The following ZFHX4 variants were observed in gnomAD, a reference collection of about 807,000 sequenced individuals.
The protein encoded by ZFHX4 is zinc finger homeobox protein 4.
ZFHX4 carries 56 observed loss-of-function variants against 267.6 expected under a neutral mutation model. The observed-to-expected ratio is 0.21, with a 90% CI of 0.17 to 0.26. The LOEUF is 0.26. Ranked by LOEUF, ZFHX4 falls within the 10% of genes least tolerant of loss-of-function variation. ZFHX4 has a pLI of 1.00. For synonymous variants in ZFHX4, 1,778 were observed against 1,665.6 expected, an observed-to-expected ratio of 1.07 and a Z score of -1.64; for missense variants, 4,332 against 4,420.0, an observed-to-expected ratio of 0.98 and a Z score of 0.56.
At chr8:76,739,145 A>G (rs1809250060) in intron 3 of ZFHX4, among the ~76,000 whole-genome samples, 1 of 152,116 alleles carries the variant, frequency 6.6e-6, no homozygotes, top group Non-Finnish European at 1.5e-5. Context: ...GGCTGGCAAA[A>G]CCATATCATT....
chr8:76,682,795 T>G lies in ZFHX4; in HGVS notation c.-47+1175T>G, dbSNP rs546548874. 2.2e-4 allele frequency among the ~76,000 whole-genome samples: 34 copies of G among 152,112 alleles called. No homozygotes were observed. The South Asian group carries it at 7.1e-3, about 32-fold the overall frequency. Reference sequence around the variant, plus strand: ...TACAAATGAACTTCACCTCCTTCGTTTCTCCAAGCATCAAGTGCGCCTTCT... The same window carrying G: ...TACAAATGAACTTCACCTCCTTCGTGTCTCCAAGCATCAAGTGCGCCTTCT... On this transcript the variant is annotated intron_variant, in intron 1 of 10. Coordinates refer to ENST00000651372, the MANE Select transcript of ZFHX4 (RefSeq NM_024721.5).
Position 76,696,270 on chromosome 8 carries a change from C to A in ZFHX4, c.-46-7773C>A, listed in dbSNP as rs150862308. Among the ~76,000 whole-genome samples the A allele has an allele frequency of 2.0e-3, 309 of 152,214 alleles. 1 individual carries two copies. Among genetic ancestry groups the A allele is most frequent in the African/African-American group, 7.1e-3 (297 of 41,554 alleles). On this transcript the variant is annotated intron_variant, in intron 1 of 10. Transcript: ENST00000651372. Reference sequence around the variant, plus strand: ...CTGTAGATTTGAGATAACATTATTTCTTCAACATGGTTCCTCTGAACATGC... The same window carrying A: ...CTGTAGATTTGAGATAACATTATTTATTCAACATGGTTCCTCTGAACATGC...
intron 3 of ZFHX4, among the ~76,000 whole-genome samples, chr8:76,772,046 G>T (rs1810278103): frequency 6.6e-6 from 1 of 152,088 alleles, no homozygotes; most frequent in African/African-American, 2.4e-5. Flanking sequence ...TGGGCAAGCT[G>T]CTAATTTCTG....
chr8:76,833,319 A>C lies in ZFHX4; in HGVS notation c.3326-19A>C. 6.2e-7 allele frequency: 1 copy of C among 1,605,502 alleles called. No individual in the cohort carries two copies. Among genetic ancestry groups the C allele is most frequent in the Non-Finnish European group, 8.5e-7 (1 of 1,174,858 alleles). On this transcript the variant is annotated intron_variant, in intron 4 of 10. Transcript: ENST00000651372. ...GGATATGGCATGCTGATTACCTTTCACTCTGATGTCTTCTGCAGAAACTGC... is the reference window on the plus strand; with the variant it reads ...GGATATGGCATGCTGATTACCTTTCCCTCTGATGTCTTCTGCAGAAACTGC...
intron 3 of ZFHX4, among the ~76,000 whole-genome samples, chr8:76,756,280 G>A (rs572049197): frequency 1.3e-5 from 2 of 152,142 alleles, no homozygotes; most frequent in Non-Finnish European, 2.9e-5. Flanking sequence ...TCACATGCTA[G>A]TGTAATTTAT....
intron 6 of ZFHX4, among the ~76,000 whole-genome samples, chr8:76,848,224 G>A (rs188472971): frequency 9.2e-5 from 14 of 152,170 alleles, no homozygotes; most frequent in South Asian, 8.3e-4. Context: ...GGAGATTATC[G>A]GGCAAATTGA....
rs368346462 is a variant in ZFHX4 at position 76,706,584 on chromosome 8, C to G, written c.2496C>G (p.Thr832=). ...ACCTAGCCCAGAACATAGGCCTGAC[C>G]GGAATGAAGCTGGAAAACCCTGCCG... ...QYYLAQNIGL[T]GMKLENPADP... Residue 832 remains threonine, a synonymous_variant, in exon 2 of 11, where the codon ACC becomes ACG. Coordinates refer to ENST00000651372, the MANE Select transcript of ZFHX4 (RefSeq NM_024721.5). The G allele has an allele frequency of 6.2e-7, 1 of 1,610,650 alleles. No individual in the cohort carries two copies. Among genetic ancestry groups the G allele is most frequent in the East Asian group, 2.2e-5 (1 of 44,792 alleles).
At chr8:76,756,377 C>T (rs1288736353) in intron 3 of ZFHX4, among the ~76,000 whole-genome samples, 2 of 151,988 alleles carry the variant, frequency 1.3e-5, no homozygotes, top group African/African-American at 4.8e-5. Flanking sequence ...GTTCAAGACA[C>T]ATTTTTTTTT....
At chr8:76,808,352 A>G (rs1811295469) in intron 4 of ZFHX4, among the ~76,000 whole-genome samples, 1 of 152,140 alleles carries the variant, frequency 6.6e-6, no homozygotes, top group African/African-American at 2.4e-5. Context: ...AGGAAAATAA[A>G]AGTGTAAGGT....
chr8:76,687,694 G>A (rs1001297937), intron 1 of ZFHX4, among the ~76,000 whole-genome samples: 1 of 151,884 alleles, frequency 6.6e-6, no homozygotes, highest in Non-Finnish European at 1.5e-5. Context: ...AATAATCTCT[G>A]GTTTCCTAAA....
chr8:76,859,792 C>T (rs1341428928), intron 10 of ZFHX4, among the ~76,000 whole-genome samples: 1 of 151,954 alleles, frequency 6.6e-6, no homozygotes, highest in Non-Finnish European at 1.5e-5. Flanking sequence ...CATTTCCAAC[C>T]TCAAATATAA....
chr8:76,802,196 AGGC>A (rs1261842121), intron 4 of ZFHX4, among the ~76,000 whole-genome samples: 1 of 152,152 alleles, frequency 6.6e-6, no homozygotes, highest in Non-Finnish European at 1.5e-5. Context: ...CATCTTCTTC[AGGC>A]AAGGCAGCCT....
At position 76,764,976 on chromosome 8, in the gene ZFHX4, T is replaced by G. The variant is rs529660046; in HGVS notation, c.3094-13232T>G. Among the ~76,000 whole-genome samples, 7 of 152,244 alleles carry G rather than the reference T, an allele frequency of 4.6e-5. No homozygotes were observed. In the East Asian group the frequency reaches 1.4e-3, roughly 29 times the overall value. ...ATACAACCTGCTGAGACATTATTTC[T>G]TAAAAGGTGAGGACTAATGACCCAA... On this transcript the variant is annotated intron_variant, in intron 3 of 10. Coordinates refer to ENST00000651372, the MANE Select transcript of ZFHX4 (RefSeq NM_024721.5).
intron 6 of ZFHX4, among the ~76,000 whole-genome samples, chr8:76,845,398 A>G (rs551386483): frequency 9.9e-4 from 150 of 152,160 alleles, no homozygotes; most frequent in African/African-American, 3.4e-3. Flanking sequence ...GCCTTGGCTA[A>G]GGGGACCACT....
chr8:76,731,589 A>T (rs1417005690), intron 3 of ZFHX4, among the ~76,000 whole-genome samples: 1 of 152,160 alleles, frequency 6.6e-6, no homozygotes, highest in African/African-American at 2.4e-5. Context: ...TTTCCTCCTC[A>T]GTCTGTGAAT....
At chr8:76,814,975 G>A (rs1437790098) in intron 4 of ZFHX4, among the ~76,000 whole-genome samples, 2 of 152,158 alleles carry the variant, frequency 1.3e-5, no homozygotes, top group African/African-American at 4.8e-5. Flanking sequence ...GAGAAAGAGG[G>A]TGGAAAGGTG....
Position 76,754,324 on chromosome 8 carries a change from C to T in ZFHX4, c.3094-23884C>T, listed in dbSNP as rs573119055. On this transcript the variant is annotated intron_variant, in intron 3 of 10. Coordinates refer to ENST00000651372, the MANE Select transcript of ZFHX4 (RefSeq NM_024721.5). ...CCAACGTGACAAAACCCTGTCTCTA[C>T]CAAAAAATACAAAAATTAGCCGGGC... 3.3e-5 allele frequency among the ~76,000 whole-genome samples: 5 copies of T among 151,936 alleles called. No homozygotes were observed. In the East Asian group the frequency reaches 9.7e-4, roughly 30 times the overall value.
chr8:76,718,417 A>T (rs1356384654), intron 3 of ZFHX4, among the ~76,000 whole-genome samples: 1 of 152,102 alleles, frequency 6.6e-6, no homozygotes, highest in East Asian at 1.9e-4. Flanking sequence ...CTGGTTTATT[A>T]TTTTTTAGTT....
intron 1 of ZFHX4, among the ~76,000 whole-genome samples, chr8:76,694,767 G>T (rs1807913180): frequency 7.0e-6 from 1 of 143,566 alleles, no homozygotes; most frequent in Non-Finnish European, 1.5e-5. Flanking sequence ...TGATGAAGTT[G>T]ATCTCTTATT....
Sources: gnomAD v4.1 joint callset for allele counts (sites outside exome capture counted in the v4.1 genomes callset) on GRCh38, gnomAD v4.1.1 for gene constraint, MANE v1.5 for transcripts, NCBI Gene and HGNC (gene_info 2026-07-23, HGNC 2026-07-21) for gene names.